RADIL: variants seen among roughly 807,000 people sequenced by gnomAD.
The protein encoded by RADIL is Rap associating with DIL domain, also known as ras-associating and dilute domain-containing protein.
Under a neutral mutation model 97.6 loss-of-function variants are expected in RADIL, and 99 were observed. The ratio of observed to expected loss-of-function variants is 1.01; its 90% CI spans 0.86 to 1.20. RADIL has a LOEUF of 1.20. RADIL is among the 50% of genes most tolerant of loss of function. RADIL has a pLI of 0.00. For missense variants in RADIL, 1,765 were observed against 1,498.9 expected (o/e 1.18, Z -2.93); for synonymous variants, 803 against 691.8 (o/e 1.16, Z -2.52).
chr7:4,816,285 G>A lies in RADIL; in HGVS notation c.1909C>T (p.Leu637Phe), dbSNP rs1198592456. ...QVHPEVASQM[L>F]AYLFFFSGTL... ...CCGGAGAAGAAGAAGAGGTAGGCGA[G>A]CATCTGCGAGGCCACCTCGGGGTGC... The change falls in exon 8 of 15, where the codon CTC becomes TTC. Residue 637 changes from leucine (L) to phenylalanine (F), a missense_variant. Coordinates refer to ENST00000399583, the MANE Select transcript of RADIL (RefSeq NM_018059.5). 3.1e-6 allele frequency: 5 copies of A among 1,612,724 alleles called. No individual in the cohort carries two copies. Among genetic ancestry groups the A allele is most frequent in the Non-Finnish European group, 4.2e-6 (5 of 1,179,904 alleles).
chr7:4,824,249 C>T lies in RADIL; in HGVS notation c.1455-1695G>A, dbSNP rs535046111. Reference sequence around the variant, plus strand: ...GCCAGGCAGCTGCCACTCTGCTGGCCGCAGGGCATGGTGCCAGCCCAGTGC... The same window carrying T: ...GCCAGGCAGCTGCCACTCTGCTGGCTGCAGGGCATGGTGCCAGCCCAGTGC... On this transcript the variant is annotated intron_variant, in intron 5 of 14. Coordinates refer to ENST00000399583, the MANE Select transcript of RADIL (RefSeq NM_018059.5). This position sits in a 1 kb window ranked among gnomAD's most constrained non-coding sequence, Gnocchi z 6.7. 3.3e-5 allele frequency among the ~76,000 whole-genome samples: 5 copies of T among 152,324 alleles called. No individual in the cohort carries two copies. The highest frequency in any genetic ancestry group is 5.9e-5 in the Non-Finnish European group (4 of 68,018).
At chr7:4,820,936 C>G (rs903351104) in intron 6 of RADIL, among the ~76,000 whole-genome samples, 3 of 152,224 alleles carry the variant, frequency 2.0e-5, no homozygotes, top group Non-Finnish European at 2.9e-5. Flanking sequence ...TGGGGGGGCA[C>G]AGCAGGGTCC....
chr7:4,854,930 C>T lies in RADIL; in HGVS notation c.536-18325G>A, dbSNP rs891279884. 3.9e-5 allele frequency among the ~76,000 whole-genome samples: 6 copies of T among 152,132 alleles called. No homozygotes were observed. The highest frequency in any genetic ancestry group is 1.4e-4 in the African/African-American group (6 of 41,412). On this transcript the variant is annotated intron_variant, in intron 2 of 14. Coordinates refer to ENST00000399583, the MANE Select transcript of RADIL (RefSeq NM_018059.5). This position sits in a 1 kb window ranked among gnomAD's most constrained non-coding sequence, Gnocchi z 5.1. ...CAAAGGGAATCACTTTCCTGGATTC[C>T]GTGTTTAACATGGCCTTTTTTCATT...
chr7:4,806,897 C>T (rs753512469), intron 9 of RADIL, among the ~76,000 whole-genome samples: 2 of 152,186 alleles, frequency 1.3e-5, no homozygotes. Flanking sequence ...TCTTCAGGGT[C>T]TGCCTTGTAC....
rs558177939 is a variant in RADIL at position 4,873,327 on chromosome 7, A to G, written c.535+4278T>C. On this transcript the variant is annotated intron_variant, in intron 2 of 14. Transcript: ENST00000399583. This position sits in a 1 kb window ranked among gnomAD's most constrained non-coding sequence, Gnocchi z 4.3. ...GGGCTGGACTCGTTAACACAAACGT[A>G]CATGGTCACACATGCATGCACACAC... is the stretch of plus-strand genomic sequence containing the variant. 1.1e-4 allele frequency among the ~76,000 whole-genome samples: 16 copies of G among 152,338 alleles called. 1 individual carries two copies. Among genetic ancestry groups the G allele is most frequent in the Admixed American group, 5.9e-4 (9 of 15,306 alleles).
At chr7:4,846,425 G>A (rs568238484) in intron 2 of RADIL, among the ~76,000 whole-genome samples, 18 of 151,852 alleles carry the variant, frequency 1.2e-4, no homozygotes, top group African/African-American at 4.1e-4. Context: ...GATTACAGGC[G>A]TGAGCCACCG....
chr7:4,799,573 A>C (rs2115147865), intron 14 of RADIL, 57 bp downstream of exon 14: 1 of 1,608,924 alleles, frequency 6.2e-7, no homozygotes, highest in Non-Finnish European at 8.5e-7. Flanking sequence ...CCCCAGGTCC[A>C]CTCCCCTGAG....
Position 4,835,967 on chromosome 7 carries a change from A to G in RADIL, c.783+391T>C, listed in dbSNP as rs574645252. Among the ~76,000 whole-genome samples the G allele has an allele frequency of 4.7e-4, 71 of 152,302 alleles. No individual in the cohort carries two copies. Among genetic ancestry groups the G allele is most frequent in the African/African-American group, 1.6e-3 (67 of 41,592 alleles). On this transcript the variant is annotated intron_variant, in intron 3 of 14. Coordinates refer to ENST00000399583, the MANE Select transcript of RADIL (RefSeq NM_018059.5). The surrounding 1 kb of genome is among the most constrained non-coding windows in gnomAD (Gnocchi z 5.8). ...GCCCCTTCAGAGAATGTGGCCACCA[A>G]TTGGTGACTCAGCAGCCCCCTCGCC...
In RADIL at chr7:4,819,682, C is replaced by A. The variant is rs1782776732; in HGVS notation, c.1616-2331G>T. Among the ~76,000 whole-genome samples, 1 of 152,208 alleles carries A rather than the reference C, an allele frequency of 6.6e-6. No homozygotes were observed. ...CACGTGACCCACCCTCGGGACGCGA[C>A]AGCCCTGCTCTCCGAATTCTTCCCA... On this transcript the variant is annotated intron_variant, in intron 6 of 14. Coordinates refer to ENST00000399583, the MANE Select transcript of RADIL (RefSeq NM_018059.5). This position sits in a 1 kb window ranked among gnomAD's most constrained non-coding sequence, Gnocchi z 5.8.
intron 10 of RADIL, chr7:4,805,345 T>C: frequency 2.1e-6 from 1 of 482,058 alleles, no homozygotes; most frequent in Admixed American, 3.6e-5. Flanking sequence ...GGGCATGGAC[T>C]CTCGGCTCCT....
chr7:4,832,624 A>G (rs770206069), intron 4 of RADIL, among the ~76,000 whole-genome samples: 1 of 151,566 alleles, frequency 6.6e-6, no homozygotes, highest in Non-Finnish European at 1.5e-5. Flanking sequence ...CTATAATCCC[A>G]GCTATTTGGG....
chr7:4,837,617 A>C lies in RADIL; in HGVS notation c.536-1012T>G, dbSNP rs1783334958. ...CACAAAAATGCACACACACATGCAC[A>C]CACATGCACCCAAAAACACACATGC... is the stretch of plus-strand genomic sequence containing the variant. On this transcript the variant is annotated intron_variant, in intron 2 of 14. Transcript: ENST00000399583. This position sits in a 1 kb window ranked among gnomAD's most constrained non-coding sequence, Gnocchi z 5.6. 1.3e-5 allele frequency among the ~76,000 whole-genome samples: 2 copies of C among 152,024 alleles called. No homozygotes were observed. The highest frequency in any genetic ancestry group is 1.3e-4 in the Admixed American group (2 of 15,250).
chr7:4,821,012 GCAGCCA>G lies in RADIL; in HGVS notation c.1615+1376_1615+1381del, dbSNP rs1782817056. On this transcript the variant is annotated intron_variant, in intron 6 of 14. Transcript: ENST00000399583. This position sits in a 1 kb window ranked among gnomAD's most constrained non-coding sequence, Gnocchi z 5.2. The stretch of plus-strand genomic sequence containing the variant: ...TTGTGTCCTCCGGGCTGTCTCAGAT[GCAGCCA>G]CAGCCACAGCCCCCTCCCAGGGATG... Among the ~76,000 whole-genome samples, 1 of 152,176 alleles carries G rather than the reference GCAGCCA, an allele frequency of 6.6e-6. No homozygotes were observed. The highest frequency in any genetic ancestry group is 6.5e-5 in the Admixed American group (1 of 15,284).
intron 5 of RADIL, among the ~76,000 whole-genome samples, chr7:4,830,899 T>C (rs1175624939): frequency 6.6e-6 from 1 of 151,936 alleles, no homozygotes; most frequent in Non-Finnish European, 1.5e-5. Flanking sequence ...CGGGCGCCTG[T>C]AGTCCCAGCT....
Position 4,819,123 on chromosome 7 carries a change from G to A in RADIL, c.1616-1772C>T, listed in dbSNP as rs1378401904. 3.3e-5 allele frequency among the ~76,000 whole-genome samples: 5 copies of A among 149,838 alleles called. No individual in the cohort carries two copies. Among genetic ancestry groups the A allele is most frequent in the Admixed American group, 2.0e-4 (3 of 15,012 alleles). ...GTCTCACTCTGTCGCCCAGGCTGGAGTGCAATGACACAATCCCAGCTCACT... is the reference window on the plus strand; with the variant it reads ...GTCTCACTCTGTCGCCCAGGCTGGAATGCAATGACACAATCCCAGCTCACT... On this transcript the variant is annotated intron_variant, in intron 6 of 14. Transcript: ENST00000399583. This position sits in a 1 kb window ranked among gnomAD's most constrained non-coding sequence, Gnocchi z 5.8.
chr7:4,871,490 C>T (rs940408332), intron 2 of RADIL, among the ~76,000 whole-genome samples: 13 of 152,282 alleles, frequency 8.5e-5, no homozygotes, highest in African/African-American at 2.6e-4. Context: ...CAAGGCGGGA[C>T]GACAAATGCA....
At position 4,813,004 on chromosome 7, in the gene RADIL, G is replaced by C. The variant is rs915162834; in HGVS notation, c.2139+2274C>G. ...CATTGTTGCCAATGAACTTAATGCT[G>C]AGTTGGGGTTGGCAAGCTTTTGGTG... On this transcript the variant is annotated intron_variant, in intron 9 of 14. Coordinates refer to ENST00000399583, the MANE Select transcript of RADIL (RefSeq NM_018059.5). This position sits in a 1 kb window ranked among gnomAD's most constrained non-coding sequence, Gnocchi z 5.0. Among the ~76,000 whole-genome samples the C allele has an allele frequency of 2.0e-5, 3 of 152,146 alleles. No homozygotes were observed. The highest frequency in any genetic ancestry group is 6.5e-5 in the Admixed American group (1 of 15,272).
At chr7:4,861,830 C>CG in intron 2 of RADIL, 1 of 1,270,220 alleles carries the variant, frequency 7.9e-7, no homozygotes. Flanking sequence ...CCCGCCCCGC[C>CG]AGGGCACGTC....
rs185321214 is a variant in RADIL, at chr7:4,869,498, C to T, written c.535+8107G>A. ...TGGCTATATAATTTTACCTTTGACA[C>T]GTAGGTCTCTGATGCATTTAGAGGA... On this transcript the variant is annotated intron_variant, in intron 2 of 14. Coordinates refer to ENST00000399583, the MANE Select transcript of RADIL (RefSeq NM_018059.5). 2.0e-4 allele frequency among the ~76,000 whole-genome samples: 31 copies of T among 151,360 alleles called. 1 individual carries two copies. The East Asian group carries it at 3.5e-3, about 17-fold the overall frequency.
Sources: gnomAD v4.1 joint callset for allele counts (sites outside exome capture counted in the v4.1 genomes callset) on GRCh38, gnomAD v4.1.1 for gene constraint, Gnocchi (gnomAD v3.1) non-coding constraint, MANE v1.5 for transcripts, NCBI Gene and HGNC (gene_info 2026-07-23, HGNC 2026-07-21) for gene names.